THSD7B: variants seen among roughly 807,000 people sequenced by gnomAD.
THSD7B encodes the protein thrombospondin type-1 domain-containing protein 7B.
THSD7B carries 138 observed loss-of-function variants against 213.6 expected under a neutral mutation model. That is an observed-to-expected ratio of 0.65 (90% CI 0.56 to 0.74). The LOEUF (loss-of-function observed/expected upper bound fraction) is 0.74, where lower values mean the gene tolerates loss of function less well. Among genes scored for constraint, THSD7B ranks in the 30% least tolerant of loss-of-function variants. The pLI is 0.00. For synonymous variants in THSD7B, 742 were observed against 687.0 expected (o/e 1.08, Z -1.25); for missense variants, 1,931 against 1,991.5 (o/e 0.97, Z 0.58).
intron 12 of THSD7B, among the ~76,000 whole-genome samples, chr2:137,304,555 C>G (rs890638289): frequency 1.3e-5 from 2 of 152,056 alleles, no homozygotes; most frequent in Non-Finnish European, 2.9e-5. Flanking sequence ...ACACTTAATA[C>G]ATTATAAATT....
At chr2:137,571,441 T>A (rs1397516521) in intron 16 of THSD7B, among the ~76,000 whole-genome samples, 1 of 152,218 alleles carries the variant, frequency 6.6e-6, no homozygotes, top group African/African-American at 2.4e-5. Flanking sequence ...TATGCATTTC[T>A]ATAGAAATAT....
intron 2 of THSD7B, among the ~76,000 whole-genome samples, chr2:136,889,934 C>T (rs1462136684): frequency 6.6e-6 from 1 of 152,072 alleles, no homozygotes; most frequent in Non-Finnish European, 1.5e-5. Context: ...ATAGGGTGTA[C>T]TGGAAGTAAT....
rs1051570405 is a variant in THSD7B at position 137,119,892 on chromosome 2, G to A, written c.1369+4599G>A. On this transcript the variant is annotated intron_variant, in intron 5 of 27. Transcript: ENST00000409968. The stretch of plus-strand genomic sequence containing the variant: ...TATATTCTTAGCTGATATCTTAAGG[G>A]GCAATTGGAGGAGATATTCCACCAT... 2.0e-5 allele frequency among the ~76,000 whole-genome samples: 3 copies of A among 152,060 alleles called. No individual in the cohort carries two copies. In the East Asian group the frequency reaches 5.8e-4, roughly 29 times the overall value.
intron 2 of THSD7B, among the ~76,000 whole-genome samples, chr2:136,997,827 A>G (rs1446351613): frequency 1.3e-5 from 2 of 152,104 alleles, no homozygotes; most frequent in African/African-American, 4.8e-5. Context: ...GTACAGAAGG[A>G]AGCTGAGCTC....
intron 14 of THSD7B, 83 bp from the exon 15 acceptor site, chr2:137,450,762 C>A: frequency 2.6e-6 from 3 of 1,132,436 alleles, no homozygotes; most frequent in East Asian, 2.7e-5. Context: ...TGAAAAAATC[C>A]AAACTGTGAT....
At chr2:137,397,678 G>A (rs541281306) in intron 12 of THSD7B, among the ~76,000 whole-genome samples, 10 of 151,732 alleles carry the variant, frequency 6.6e-5, no homozygotes, top group South Asian at 2.1e-4. Flanking sequence ...TCTTTGTGGC[G>A]TTCTCTGTAT....
chr2:137,557,516 C>T (rs866203626), intron 15 of THSD7B, among the ~76,000 whole-genome samples: 8 of 151,978 alleles, frequency 5.3e-5, no homozygotes, highest in South Asian at 2.1e-4. Context: ...TTGAAACCAA[C>T]GAGAACAAAG....
At chr2:137,569,378 T>C (rs73958891) in intron 16 of THSD7B, among the ~76,000 whole-genome samples, 36,454 of 152,148 alleles carry the variant, frequency 0.24, 4,566 homozygotes, top group South Asian at 0.35. Context: ...GTTTACAGGA[T>C]GGTGTCCCCA....
At chr2:137,483,964 G>A (rs1296182530) in intron 15 of THSD7B, among the ~76,000 whole-genome samples, 1 of 152,130 alleles carries the variant, frequency 6.6e-6, no homozygotes, top group African/African-American at 2.4e-5. Flanking sequence ...ACACCTTGAG[G>A]GCTGGACATT....
rs376970741 is a variant in THSD7B, at chr2:136,861,688, G to A, written c.-35-20456G>A. 3.9e-5 allele frequency among the ~76,000 whole-genome samples: 6 copies of A among 152,290 alleles called. No homozygotes were observed. In the South Asian group the frequency reaches 6.2e-4, roughly 16 times the overall value. On this transcript the variant is annotated intron_variant, in intron 1 of 27. Transcript: ENST00000409968. ...TTATCTTCTTTCTTTTGGGGAGGAGGTCTAGAGAAATTGAAAGAACCTAAA... is the reference window on the plus strand; with the variant it reads ...TTATCTTCTTTCTTTTGGGGAGGAGATCTAGAGAAATTGAAAGAACCTAAA...
intron 4 of THSD7B, among the ~76,000 whole-genome samples, chr2:137,095,658 G>A (rs1688026913): frequency 6.6e-6 from 1 of 152,104 alleles, no homozygotes; most frequent in Non-Finnish European, 1.5e-5. Context: ...GGGAGCCAGA[G>A]AATATTCGAG....
At chr2:136,837,603 CTTGTTTATT>C (rs1682864531) in intron 1 of THSD7B, among the ~76,000 whole-genome samples, 1 of 152,172 alleles carries the variant, frequency 6.6e-6, no homozygotes, top group South Asian at 2.1e-4. Context: ...GGTTATTTCA[CTTGTTTATT>C]CATTGTCTGT....
chr2:137,376,865 T>C (rs1685668346), intron 12 of THSD7B, among the ~76,000 whole-genome samples: 1 of 152,178 alleles, frequency 6.6e-6, no homozygotes. Context: ...TGATGTCTTT[T>C]TAGTGGCAGT....
At chr2:137,616,097 C>G in intron 17 of THSD7B, 78 bp from the exon 18 acceptor site, 1 of 1,426,664 alleles carries the variant, frequency 7.0e-7, no homozygotes, top group Non-Finnish European at 9.5e-7. Context: ...ACATATGTGC[C>G]TACTTATACC....
intron 16 of THSD7B, among the ~76,000 whole-genome samples, chr2:137,565,960 A>G (rs1681228795): frequency 6.6e-6 from 1 of 152,202 alleles, no homozygotes; most frequent in African/African-American, 2.4e-5. Flanking sequence ...CCTAGAAAAC[A>G]TACATACTCA....
rs753428702 is a variant in THSD7B, at chr2:137,056,862, A to T, written c.582A>T (p.Gly194=). The change falls in exon 3 of 28, where the codon GGA becomes GGT. Residue 194 remains glycine, a synonymous_variant. Transcript: ENST00000409968. ...EFLPWSNCSK[G]CGKKLQHRTR... is the part of the protein sequence containing the mutation. Reference sequence around the variant, plus strand: ...TACCATGGTCCAACTGTAGCAAGGGATGTGGGAAGAAATTGCAGCATAGAA... The same window carrying T: ...TACCATGGTCCAACTGTAGCAAGGGTTGTGGGAAGAAATTGCAGCATAGAA... 2 of 1,613,786 alleles carry T rather than the reference A, an allele frequency of 1.2e-6. No homozygotes were observed. Among genetic ancestry groups the T allele is most frequent in the South Asian group, 2.2e-5 (2 of 91,070 alleles).
intron 12 of THSD7B, among the ~76,000 whole-genome samples, chr2:137,365,726 A>T (rs1303633498): frequency 6.6e-6 from 1 of 152,202 alleles, no homozygotes; most frequent in Admixed American, 6.5e-5. Context: ...GCAATCATTA[A>T]AAAGTCAGGA....
At chr2:137,127,764 GA>G (rs1430264865) in intron 5 of THSD7B, among the ~76,000 whole-genome samples, 2 of 151,838 alleles carry the variant, frequency 1.3e-5, no homozygotes, top group African/African-American at 4.8e-5. Context: ...CAAAAATACA[GA>G]AAATTAGCCA....
chr2:136,980,359 A>G (rs1237230090), intron 2 of THSD7B, among the ~76,000 whole-genome samples: 1 of 152,160 alleles, frequency 6.6e-6, no homozygotes, highest in African/African-American at 2.4e-5. Context: ...AATTAAGTCC[A>G]TTGAACTGGA....
Sources: gnomAD v4.1 joint callset for allele counts (sites outside exome capture counted in the v4.1 genomes callset) on GRCh38, gnomAD v4.1.1 for gene constraint, MANE v1.5 for transcripts, NCBI Gene and HGNC (gene_info 2026-07-23, HGNC 2026-07-21) for gene names.